WDFY3: variants seen among roughly 807,000 people sequenced by gnomAD.
WDFY3 encodes WD repeat and FYVE domain-containing protein 3.
In WDFY3, 66 loss-of-function variants were observed where a neutral mutation model predicts 409.6. The ratio of observed to expected loss-of-function variants is 0.16; its 90% confidence interval spans 0.13 to 0.20. The LOEUF is 0.20. Ranked by LOEUF, WDFY3 falls within the 10% of genes least tolerant of loss-of-function variation. WDFY3 has a pLI of 1.00. For missense variants in WDFY3, 3,031 were observed against 4,298.1 expected (o/e 0.71, Z 8.24); for synonymous variants, 1,521 against 1,537.1 (o/e 0.99, Z 0.25).
rs545903122 is a variant in WDFY3, at chr4:84,712,016, A to G, written c.8042+1143T>C. 3.9e-5 allele frequency among the ~76,000 whole-genome samples: 6 copies of G among 152,120 alleles called. No homozygotes were observed. The East Asian group carries it at 1.2e-3, about 29-fold the overall frequency. On this transcript the variant is annotated intron_variant, in intron 51 of 67. Coordinates refer to ENST00000295888, the MANE Select transcript of WDFY3 (RefSeq NM_014991.6). ...CTCTTTGTTTTATTAAGGGGACTCTACCACAATAAAATAATGAAGAATCAT... is the reference window on the plus strand; with the variant it reads ...CTCTTTGTTTTATTAAGGGGACTCTGCCACAATAAAATAATGAAGAATCAT...
chr4:84,774,700 G>T, intron 29 of WDFY3, 120 bp downstream of exon 29: 1 of 1,024,994 alleles, frequency 9.8e-7, no homozygotes. Context: ...ATTTTGAATC[G>T]TATTAACATT....
chr4:84,925,322 G>T (rs1364329403), intron 2 of WDFY3, among the ~76,000 whole-genome samples: 1 of 152,112 alleles, frequency 6.6e-6, no homozygotes, highest in Non-Finnish European at 1.5e-5. Context: ...GCCCTGGGAA[G>T]TTTTTTAAAA....
Position 84,737,371 on chromosome 4 carries a change from TA to T in WDFY3, c.6575-6del. 6.5e-7 allele frequency: 1 copy of T among 1,547,732 alleles called. No individual in the cohort carries two copies. Among genetic ancestry groups the T allele is most frequent in the Non-Finnish European group, 8.7e-7 (1 of 1,149,412 alleles). On this transcript the variant is annotated splice_region_variant and splice_polypyrimidine_tract_variant and intron_variant, in intron 40 of 67. Coordinates refer to ENST00000295888, the MANE Select transcript of WDFY3 (RefSeq NM_014991.6). ...CTTTTATGAGAAGCTGACGCCCTAG[TA>T]AACAAACAAACAAACAAACAAAAAA...
chr4:84,861,793 G>A (rs11726635), intron 3 of WDFY3, among the ~76,000 whole-genome samples: 21,224 of 151,996 alleles, frequency 0.14, 2,137 homozygotes, highest in African/African-American at 0.28. Flanking sequence ...CACAGAATCA[G>A]TAACAGTAAG....
intron 17 of WDFY3, among the ~76,000 whole-genome samples, chr4:84,799,658 T>C (rs1750148866): frequency 6.6e-6 from 1 of 151,744 alleles, no homozygotes; most frequent in African/African-American, 2.4e-5. Flanking sequence ...GCATAAACCC[T>C]CCATAACCTG....
At position 84,704,236 on chromosome 4, in the gene WDFY3, G is replaced by A. The variant is rs1487273386; in HGVS notation, c.8442+102C>T. On this transcript the variant is annotated intron_variant, in intron 55 of 67. Coordinates refer to ENST00000295888, the MANE Select transcript of WDFY3 (RefSeq NM_014991.6). ...GTAACTACTTTGTCACTAAAATTTC[G>A]CAGAGCTTCTTATAATAGAAGATAA... The A allele has an allele frequency of 1.7e-5, 14 of 843,838 alleles. No homozygotes were observed. The South Asian group carries it at 1.7e-4, about 10-fold the overall frequency. 52.3% of individuals were successfully genotyped at this position (843,838 alleles called of 1,614,324 possible). A position where few individuals can be genotyped will look rare whatever the true frequency, so the allele number is the denominator to read the frequency against.
At chr4:84,683,079 C>T (rs1312464212) in intron 63 of WDFY3, 1 of 152,558 alleles carries the variant, frequency 6.6e-6, no homozygotes, top group Non-Finnish European at 1.5e-5. Context: ...CATTATATAT[C>T]TCCAAGAGGG....
At chr4:84,821,578 GT>G (rs776282894) in intron 10 of WDFY3, 27 bp from the exon 11 acceptor site, 35 of 1,569,800 alleles carry the variant, frequency 2.2e-5, no homozygotes, top group Non-Finnish European at 2.9e-5. Context: ...AAACATAAAA[GT>G]AGGTACTATG....
chr4:84,747,159 TATCC>T (rs1257086495), intron 36 of WDFY3, among the ~76,000 whole-genome samples: 3 of 152,200 alleles, frequency 2.0e-5, no homozygotes, highest in Admixed American at 2.0e-4. Context: ...CCAGTCAACA[TATCC>T]ATCAGTCTCC....
rs768984272 is a variant in WDFY3, at chr4:84,796,653, G to A, written c.3035C>T (p.Ala1012Val). 12 of 1,614,042 alleles carry A rather than the reference G, an allele frequency of 7.4e-6. No individual in the cohort carries two copies. Among genetic ancestry groups the A allele is most frequent in the East Asian group, 2.2e-5 (1 of 44,862 alleles). Reference sequence around the variant, plus strand: ...GGTCAGGGGTACAGTACTTCCTTCCGCAGATTTTACCAGGCTCTTGCTTAT... The same window carrying A: ...GGTCAGGGGTACAGTACTTCCTTCCACAGATTTTACCAGGCTCTTGCTTAT... Reference protein sequence around the residue: ...YRISKSLVKSAEGSTVPLTRV... With the variant: ...YRISKSLVKSVEGSTVPLTRV... Residue 1012 changes from alanine (A) to valine (V), a missense_variant, in exon 19 of 68, where the codon GCG becomes GTG. Transcript: ENST00000295888.
In WDFY3 at chr4:84,678,149, G is replaced by A; in HGVS notation, c.10259+19C>T. On this transcript the variant is annotated intron_variant, in intron 66 of 67. Transcript: ENST00000295888. ...ATGACTCAGATGGGAAGCGGAGCTG[G>A]AAAAAGCCTGACACTTACTTGGAGA... The A allele has an allele frequency of 4.4e-6, 7 of 1,602,620 alleles. No homozygotes were observed. The highest frequency in any genetic ancestry group is 6.0e-6 in the Non-Finnish European group (7 of 1,169,624).
rs542159133 is a variant in WDFY3 at position 84,723,267 on chromosome 4, A to G, written c.7441+1159T>C. Among the ~76,000 whole-genome samples the G allele has an allele frequency of 9.2e-5, 14 of 152,374 alleles. No homozygotes were observed. In the South Asian group the frequency reaches 2.9e-3, roughly 32 times the overall value. On this transcript the variant is annotated intron_variant, in intron 46 of 67. Coordinates refer to ENST00000295888, the MANE Select transcript of WDFY3 (RefSeq NM_014991.6). Reference sequence around the variant, plus strand: ...TCAATTATAAAATGTTTAGTAAGTCATAGTCATCACATGAGAGAACAGGTA... The same window carrying G: ...TCAATTATAAAATGTTTAGTAAGTCGTAGTCATCACATGAGAGAACAGGTA...
At chr4:84,898,451 C>A (rs1765926272) in intron 2 of WDFY3, among the ~76,000 whole-genome samples, 2 of 152,096 alleles carry the variant, frequency 1.3e-5, no homozygotes, top group African/African-American at 2.4e-5. Flanking sequence ...CAAATAGTTA[C>A]CTCTTTTAAA....
At chr4:84,744,995 A>G (rs1739166643) in intron 36 of WDFY3, among the ~76,000 whole-genome samples, 1 of 152,066 alleles carries the variant, frequency 6.6e-6, no homozygotes, top group African/African-American at 2.4e-5. Context: ...GAACAACCCT[A>G]TATAGGTGGT....
chr4:84,771,144 T>C (rs896918398), intron 30 of WDFY3, among the ~76,000 whole-genome samples: 2 of 152,108 alleles, frequency 1.3e-5, no homozygotes, highest in Admixed American at 6.5e-5. Context: ...CCTTTTTTTG[T>C]TTGTTTTTAG....
At chr4:84,888,043 A>G (rs1764456795) in intron 3 of WDFY3, among the ~76,000 whole-genome samples, 1 of 152,208 alleles carries the variant, frequency 6.6e-6, no homozygotes, top group African/African-American at 2.4e-5. Context: ...AAGAATTCTT[A>G]GCATCTCTAG....
At chr4:84,905,350 A>G (rs1766902998) in intron 2 of WDFY3, among the ~76,000 whole-genome samples, 1 of 152,106 alleles carries the variant, frequency 6.6e-6, no homozygotes, top group South Asian at 2.1e-4. Context: ...AAAAATAAAT[A>G]AATAAATAAA....
chr4:84,911,692 A>G (rs1767816114), intron 2 of WDFY3, among the ~76,000 whole-genome samples: 1 of 152,226 alleles, frequency 6.6e-6, no homozygotes, highest in Admixed American at 6.5e-5. Context: ...GCCTAGGAAT[A>G]TTGAAAAAAT....
chr4:84,778,355 CT>C, intron 27 of WDFY3, 147 bp downstream of exon 27: 1 of 781,160 alleles, frequency 1.3e-6, no homozygotes, highest in East Asian at 3.2e-5. Context: ...CATTATTCTA[CT>C]TTTTATATTT....
Sources: allele counts gnomAD v4.1 joint callset (sites outside exome capture counted in the v4.1 genomes callset), GRCh38; gene constraint gnomAD v4.1.1; transcripts MANE v1.5; gene names NCBI Gene and HGNC (gene_info 2026-07-23, HGNC 2026-07-21).